The following TRANK1 variants were observed in gnomAD, a reference collection of about 807,000 sequenced individuals.
TRANK1 encodes TPR and ankyrin repeat-containing protein 1.
Under a neutral mutation model 266.0 loss-of-function variants are expected in TRANK1, and 198 were observed. The observed-to-expected ratio is 0.74, with a 90% CI of 0.66 to 0.84. The LOEUF (loss-of-function observed/expected upper bound fraction) is 0.84, where lower values mean the gene tolerates loss of function less well. Ranked by LOEUF, TRANK1 falls within the 40% of genes least tolerant of loss-of-function variation. The pLI is 0.00. For missense variants in TRANK1, 3,326 were observed against 3,634.6 expected (o/e 0.92, Z 2.18); for synonymous variants, 1,396 against 1,384.1 (o/e 1.01, Z -0.19).
chr3:36,829,677 G>A lies in TRANK1; in HGVS notation c.8711-15C>T. 1 of 1,612,368 alleles carries A rather than the reference G, an allele frequency of 6.2e-7. No homozygotes were observed. The highest frequency in any genetic ancestry group is 8.5e-7 in the Non-Finnish European group (1 of 1,179,450). ...CGCCTCCTCCGCTTCAGAAACCAAA[G>A]AACATGGCTCTGAGTAAAGATGCCA... On this transcript the variant is annotated splice_polypyrimidine_tract_variant and intron_variant, in intron 22 of 23. Coordinates refer to ENST00000645898, the MANE Select transcript of TRANK1 (RefSeq NM_001329998.2).
Position 36,833,897 on chromosome 3 carries a change from T to G in TRANK1, c.5686A>C (p.Lys1896Gln). The G allele has an allele frequency of 1.2e-6, 2 of 1,610,614 alleles. No individual in the cohort carries two copies. Among genetic ancestry groups the G allele is most frequent in the Non-Finnish European group, 1.7e-6 (2 of 1,179,008 alleles). ...VEKYEEMLKT[K>Q]TLPISKLSYS... ...GAGAGCTTGGAAATGGGAAGGGTCTTAGTCTTTAGCATTTCTTCATACCTG... is the reference window on the plus strand; with the variant it reads ...GAGAGCTTGGAAATGGGAAGGGTCTGAGTCTTTAGCATTTCTTCATACCTG... Residue 1896 changes from lysine (K) to glutamine (Q), a missense_variant, in exon 22 of 24, where the codon AAG becomes CAG. Coordinates refer to ENST00000645898, the MANE Select transcript of TRANK1 (RefSeq NM_001329998.2).
rs183770863 is a variant in TRANK1, at chr3:36,879,972, A to T, written c.908-5676T>A. On this transcript the variant is annotated intron_variant, in intron 8 of 23. Transcript: ENST00000645898. ...CAAATATATGTAAACATGCAAATAT[A>T]TGTAAACATGCAAATATATGTAAAC... Among the ~76,000 whole-genome samples, 49 of 12,188 alleles carry T rather than the reference A, an allele frequency of 4.0e-3. 15 individuals are homozygous for T. The highest frequency in any genetic ancestry group is 0.013 in the African/African-American group (22 of 1,750). The allele number at this position is 12,188 out of a possible 152,430, so 8.0% of individuals were successfully genotyped here.
rs1218579180 is a variant in TRANK1, at chr3:36,832,876, A to G, written c.6707T>C (p.Leu2236Ser). ...MNLVAINGLLLEAKKVFPKIL... is the reference protein window; with the variant it reads ...MNLVAINGLLSEAKKVFPKIL... ...TTTAGGGAATACTTTTTTGGCTTCC[A>G]AAAGCAACCCGTTGATTGCCACCAA... Residue 2236 changes from leucine to serine, a missense_variant, in exon 22 of 24, where the codon TTG (leucine) becomes TCG (serine). Physicochemically the swap from Leu to Ser is moderately radical, Grantham distance 145 (BLOSUM62 -2). Transcript: ENST00000645898. 6.2e-7 allele frequency: 1 copy of G among 1,613,986 alleles called. No homozygotes were observed.
chr3:36,870,420 A>AAGAG (rs34639575), intron 9 of TRANK1, among the ~76,000 whole-genome samples: 9 of 145,314 alleles, frequency 6.2e-5, no homozygotes, highest in South Asian at 2.2e-4. Context: ...AAAAAAAAAA[A>AAGAG]AGAGAGAGAG....
chr3:36,829,489 T>C (rs1575170971), intron 23 of TRANK1, 75 bp downstream of exon 23: 2 of 1,479,042 alleles, frequency 1.4e-6, no homozygotes, highest in Non-Finnish European at 1.9e-6. Context: ...CACTTCAGAT[T>C]CCCCCCGGGA....
In TRANK1 at chr3:36,833,435, AG is replaced by A. The variant is rs2078725369; in HGVS notation, c.6147del (p.Phe2050SerfsTer52). On this transcript the variant is annotated frameshift_variant, in exon 22 of 24. Transcript: ENST00000645898. LOFTEE classifies it high-confidence loss of function. ...TGGTTGAGCGTGTCAAACTTGAAGA[AG>A]GCATCCCTGAGCTTCTGAAAGTCTC... ...ILRDFQKLRD[A>X]FFKFDTLNHS... 6.2e-7 allele frequency: 1 copy of A among 1,613,776 alleles called. No homozygotes were observed. The highest frequency in any genetic ancestry group is 1.1e-5 in the South Asian group (1 of 91,070).
At position 36,831,702 on chromosome 3, in the gene TRANK1, C is replaced by G. The variant is rs1284784505; in HGVS notation, c.7881G>C (p.Val2627=). The part of the protein sequence containing the change: ...RVLVAVNVKS[V]AEALQDLLFE... ...AGAGCAGGTCCTGCAGTGCCTCAGC[C>G]ACAGACTTCACATTGACTGCCACCA... Residue 2627 remains valine (V), a synonymous_variant, in exon 22 of 24, where the codon GTG becomes GTC. Coordinates refer to ENST00000645898, the MANE Select transcript of TRANK1 (RefSeq NM_001329998.2). This position sits in a 1 kb window ranked among gnomAD's most constrained non-coding sequence, Gnocchi z 5.0. The G allele has an allele frequency of 6.2e-7, 1 of 1,613,904 alleles. No homozygotes were observed.
At chr3:36,935,602 C>A (rs1423660478) in intron 1 of TRANK1, among the ~76,000 whole-genome samples, 1 of 152,074 alleles carries the variant, frequency 6.6e-6, no homozygotes, top group Non-Finnish European at 1.5e-5. Context: ...AGGCACATGT[C>A]ACCACACTCA....
chr3:36,860,974 A>G lies in TRANK1; in HGVS notation c.1427T>C (p.Ile476Thr), dbSNP rs2079134195. The G allele has an allele frequency of 1.3e-6, 2 of 1,537,730 alleles. No individual in the cohort carries two copies. Among genetic ancestry groups the G allele is most frequent in the Admixed American group, 2.0e-5 (1 of 51,002 alleles). ...CNFSDLDICT[I>T]IPHLSTWDQR... ...GTCCCAGGTGCTGAGATGGGGGATG[A>G]TGGTACAGATGTCGAGGTCTGAGAA... Residue 476 changes from isoleucine to threonine, a missense_variant, in exon 11 of 24, where the codon ATC becomes ACC. Physicochemically the swap from Ile to Thr is moderately conservative, Grantham distance 89 (BLOSUM62 -1). Transcript: ENST00000645898.
At chr3:36,862,119 T>C (rs2079150981) in intron 10 of TRANK1, among the ~76,000 whole-genome samples, 1 of 152,194 alleles carries the variant, frequency 6.6e-6, no homozygotes. Flanking sequence ...TAAATTTTTG[T>C]ATAAGTATAT....
chr3:36,846,133 T>A (rs2078910912), intron 17 of TRANK1, 115 bp downstream of exon 17: 1 of 1,117,888 alleles, frequency 8.9e-7, no homozygotes, highest in East Asian at 2.7e-5. Context: ...CTCAGAAGAT[T>A]GTGGAAAAGA....
At chr3:36,884,828 G>A (rs550100424) in intron 8 of TRANK1, among the ~76,000 whole-genome samples, 2 of 152,022 alleles carry the variant, frequency 1.3e-5, no homozygotes, top group African/African-American at 4.8e-5. Context: ...AGCTACTCAT[G>A]AGGCTGAGGC....
chr3:36,896,348 C>A (rs533721865), intron 4 of TRANK1, among the ~76,000 whole-genome samples: 29 of 152,232 alleles, frequency 1.9e-4, no homozygotes, highest in African/African-American at 7.0e-4. Context: ...ATGAGAATGT[C>A]CAAGGGGACA....
chr3:36,885,521 G>A (rs963271823), intron 8 of TRANK1, among the ~76,000 whole-genome samples: 3 of 152,160 alleles, frequency 2.0e-5, no homozygotes, highest in Non-Finnish European at 4.4e-5. Flanking sequence ...AAAAGCTAGC[G>A]AAACTCATAT....
chr3:36,885,015 A>G (rs2079583015), intron 8 of TRANK1, among the ~76,000 whole-genome samples: 1 of 152,170 alleles, frequency 6.6e-6, no homozygotes, highest in Non-Finnish European at 1.5e-5. Flanking sequence ...AGACCATAGT[A>G]ATACCTGTAG....
At chr3:36,918,530 A>AGAAGGAAG (rs1291730952) in intron 1 of TRANK1, among the ~76,000 whole-genome samples, 1 of 18,790 alleles carries the variant, frequency 5.3e-5, no homozygotes, top group East Asian at 1.1e-3. Flanking sequence ...AAAGAAAGAA[A>AGAAGGAAG]GAAGGAAGGA....
intron 8 of TRANK1, among the ~76,000 whole-genome samples, chr3:36,883,353 T>C (rs901941820): frequency 6.7e-6 from 1 of 149,834 alleles, no homozygotes; most frequent in Non-Finnish European, 1.5e-5. Flanking sequence ...GCTGAGGTGG[T>C]AGGATCGCTT....
At chr3:36,850,151 T>C in intron 15 of TRANK1, 1 of 985,438 alleles carries the variant, frequency 1.0e-6, no homozygotes. Context: ...AACAAAGTCT[T>C]ACCCTTCCTC....
intron 1 of TRANK1, among the ~76,000 whole-genome samples, chr3:36,940,151 C>T (rs560167265): frequency 1.2e-4 from 18 of 151,824 alleles, no homozygotes; most frequent in African/African-American, 4.3e-4. Flanking sequence ...TCCCAAACTG[C>T]TGGGATTACA....
Sources: allele counts gnomAD v4.1 joint callset (sites outside exome capture counted in the v4.1 genomes callset), GRCh38; gene constraint gnomAD v4.1.1; non-coding constraint Gnocchi (gnomAD v3.1); transcripts MANE v1.5; gene names NCBI Gene and HGNC (gene_info 2026-07-23, HGNC 2026-07-21).